The following LRMDA variants were observed in gnomAD, a reference collection of about 807,000 sequenced individuals.
LRMDA encodes the protein leucine rich melanocyte differentiation associated.
A neutral mutation model predicts 29.8 loss-of-function variants in LRMDA; 18 were observed. The ratio of observed to expected loss-of-function variants is 0.60; its 90% CI spans 0.42 to 0.90. The LOEUF is 0.90. Among genes scored for constraint, LRMDA ranks in the 40% least tolerant of loss-of-function variants. The probability of loss-of-function intolerance (pLI) is 0.00; values close to 1 mark genes in which losing one functional copy is unlikely to be tolerated. For missense variants in LRMDA, 273 were observed against 273.9 expected (o/e 1.00, Z 0.02); for synonymous variants, 125 against 109.4 (o/e 1.14, Z -0.89).
At chr10:75,913,554 G>T (rs764407615) in intron 2 of LRMDA, among the ~76,000 whole-genome samples, 2 of 152,124 alleles carry the variant, frequency 1.3e-5, no homozygotes, top group African/African-American at 2.4e-5. Context: ...TAGGTCATGC[G>T]CCCCGTGTGC....
At chr10:75,431,910 T>A (rs1166291346) in intron 1 of LRMDA, among the ~76,000 whole-genome samples, 156 bp downstream of exon 1, 3 of 152,140 alleles carry the variant, frequency 2.0e-5, no homozygotes, top group Non-Finnish European at 2.9e-5. Flanking sequence ...CTCGCCCTAG[T>A]GGGGCTAGGA....
chr10:75,724,380 C>T (rs1020637038), intron 2 of LRMDA, among the ~76,000 whole-genome samples: 1 of 152,162 alleles, frequency 6.6e-6, no homozygotes, highest in East Asian at 1.9e-4. Flanking sequence ...GTAACTTTTC[C>T]ATTTTCCTGA....
At chr10:76,486,683 G>A (rs1589212006) in intron 6 of LRMDA, among the ~76,000 whole-genome samples, 1 of 151,950 alleles carries the variant, frequency 6.6e-6, no homozygotes, top group East Asian at 2.0e-4. Context: ...GAGATGTAGT[G>A]GGAATTTTAA....
rs1156922304 is a variant in LRMDA at position 76,558,064 on chromosome 10, A to G, written c.*776A>G. On this transcript the variant is annotated 3_prime_UTR_variant, in exon 7 of 7. Coordinates refer to ENST00000611255, the MANE Select transcript of LRMDA (RefSeq NM_001305581.2). Reference sequence around the variant, plus strand: ...TCTAAATCCACTTCTTGCCCTGAATATGATGCAGTGTAAGGCATAAGGCAT... The same window carrying G: ...TCTAAATCCACTTCTTGCCCTGAATGTGATGCAGTGTAAGGCATAAGGCAT... The G allele has an allele frequency of 6.6e-6, 1 of 152,226 alleles. No homozygotes were observed. The highest frequency in any genetic ancestry group is 1.5e-5 in the Non-Finnish European group (1 of 68,070). The allele number at this position is 152,226 out of a possible 1,614,324, so 9.4% of individuals were successfully genotyped here. A position where few individuals can be genotyped will look rare whatever the true frequency, so the allele number is the denominator to read the frequency against.
chr10:76,155,745 T>A (rs1850525604), intron 5 of LRMDA, among the ~76,000 whole-genome samples: 1 of 152,038 alleles, frequency 6.6e-6, no homozygotes, highest in Non-Finnish European at 1.5e-5. Context: ...TGTATTAGGG[T>A]GATAAGATTT....
Position 75,765,768 on chromosome 10 carries a change from C to T in LRMDA, c.132-270240C>T, listed in dbSNP as rs569063402. 6.8e-5 allele frequency among the ~76,000 whole-genome samples: 10 copies of T among 146,990 alleles called. No individual in the cohort carries two copies. In the South Asian group the frequency reaches 2.1e-3, roughly 31 times the overall value. On this transcript the variant is annotated intron_variant, in intron 2 of 6. Coordinates refer to ENST00000611255, the MANE Select transcript of LRMDA (RefSeq NM_001305581.2). ...TGAAAAGGAGCCACCTTCGCCTCTT[C>T]CCCCACCCCCGTCCCACTTCCCCAC...
chr10:76,345,566 TGGGACAATAAGA>T, intron 6 of LRMDA, among the ~76,000 whole-genome samples: 1 of 151,150 alleles, frequency 6.6e-6, no homozygotes, highest in Non-Finnish European at 1.5e-5. Context: ...GCATAAAAGG[TGGGACAATAAGA>T]ATCTATATTT....
intron 5 of LRMDA, among the ~76,000 whole-genome samples, chr10:76,158,966 A>G (rs1487754480): frequency 5.3e-5 from 8 of 152,190 alleles, no homozygotes; most frequent in Non-Finnish European, 1.2e-4. Flanking sequence ...ATGAGATAGA[A>G]TTCTAGACAG....
Position 76,007,036 on chromosome 10 carries a change from G to A in LRMDA, c.132-28972G>A, listed in dbSNP as rs948689264. On this transcript the variant is annotated intron_variant, in intron 2 of 6. Transcript: ENST00000611255. The stretch of plus-strand genomic sequence containing the variant: ...TGTGTGTGTGTGTGTGTGTGTGCGC[G>A]TGTGTGTTTATATATTTATTTTCCG... 3.0e-4 allele frequency among the ~76,000 whole-genome samples: 33 copies of A among 110,736 alleles called. 1 individual carries two copies. The South Asian group carries it at 3.3e-3, about 11-fold the overall frequency. The allele number at this position is 110,736 out of a possible 152,430, so 72.6% of individuals were successfully genotyped here.
chr10:75,750,527 G>A (rs1429944524), intron 2 of LRMDA, among the ~76,000 whole-genome samples: 5 of 148,678 alleles, frequency 3.4e-5, no homozygotes, highest in African/African-American at 7.5e-5. Context: ...CAGATGGGGC[G>A]GCGGGGCAGA....
intron 2 of LRMDA, among the ~76,000 whole-genome samples, chr10:75,696,358 A>C (rs1842234582): frequency 6.6e-6 from 1 of 152,234 alleles, no homozygotes; most frequent in Non-Finnish European, 1.5e-5. Context: ...AAAGGGAAAG[A>C]AAGCTCTGAA....
chr10:76,090,783 C>T (rs896469017), intron 5 of LRMDA, among the ~76,000 whole-genome samples: 2 of 152,066 alleles, frequency 1.3e-5, no homozygotes, highest in Non-Finnish European at 2.9e-5. Flanking sequence ...CACAAAAAGA[C>T]AAATATGATT....
chr10:76,400,711 C>T (rs997343078), intron 6 of LRMDA, among the ~76,000 whole-genome samples: 1 of 145,002 alleles, frequency 6.9e-6, no homozygotes, highest in South Asian at 2.2e-4. Flanking sequence ...TTTAAAGGCC[C>T]ACTTAAATGT....
At chr10:75,718,308 G>A (rs866223347) in intron 2 of LRMDA, among the ~76,000 whole-genome samples, 1 of 152,174 alleles carries the variant, frequency 6.6e-6, no homozygotes, top group South Asian at 2.1e-4. Context: ...ATTTTGTCTG[G>A]AACCAATGGG....
chr10:76,087,520 C>T (rs928843787), intron 5 of LRMDA, among the ~76,000 whole-genome samples: 2 of 152,178 alleles, frequency 1.3e-5, no homozygotes, highest in African/African-American at 4.8e-5. Context: ...GTTAGTCATA[C>T]AGGATCATCT....
At chr10:75,462,138 T>G (rs1484427907) in intron 2 of LRMDA, among the ~76,000 whole-genome samples, 1 of 152,202 alleles carries the variant, frequency 6.6e-6, no homozygotes, top group African/African-American at 2.4e-5. Flanking sequence ...CTGGATACAG[T>G]GCAAAATGAA....
chr10:76,408,179 A>T (rs897119959), intron 6 of LRMDA, among the ~76,000 whole-genome samples: 1 of 152,186 alleles, frequency 6.6e-6, no homozygotes, highest in Admixed American at 6.5e-5. Context: ...GGAACATACA[A>T]TGAAATTTCT....
chr10:75,610,881 C>G (rs1243529431), intron 2 of LRMDA, among the ~76,000 whole-genome samples: 1 of 152,186 alleles, frequency 6.6e-6, no homozygotes, highest in African/African-American at 2.4e-5. Context: ...ACCGCAAATT[C>G]CAAATGATGG....
intron 2 of LRMDA, among the ~76,000 whole-genome samples, chr10:75,563,528 C>G (rs1022196840): frequency 2.0e-5 from 3 of 152,184 alleles, no homozygotes; most frequent in African/African-American, 7.2e-5. Flanking sequence ...CTTCTCTCAA[C>G]TCGTCAAAGT....
Sources: gnomAD v4.1 joint callset for allele counts (sites outside exome capture counted in the v4.1 genomes callset) on GRCh38, gnomAD v4.1.1 for gene constraint, MANE v1.5 for transcripts, NCBI Gene and HGNC (gene_info 2026-07-23, HGNC 2026-07-21) for gene names.